Variants in GRIK1 observed in about 807,000 individuals in gnomAD.
GRIK1 encodes glutamate receptor ionotropic, kainate 1.
Under a neutral mutation model 105.7 loss-of-function variants are expected in GRIK1, and 69 were observed. The ratio of observed to expected loss-of-function variants is 0.65; its 90% confidence interval spans 0.54 to 0.80. The LOEUF (loss-of-function observed/expected upper bound fraction) is 0.80. Among genes scored for constraint, GRIK1 ranks in the 30% least tolerant of loss-of-function variants. The pLI, the probability that GRIK1 is intolerant of heterozygous loss-of-function variation, is 0.00. For missense variants in GRIK1, 1,109 were observed against 1,167.3 expected (o/e 0.95, Z 0.73); for synonymous variants, 438 against 431.3 (o/e 1.02, Z -0.19).
chr21:29,872,821 C>T, intron 1 of GRIK1, among the ~76,000 whole-genome samples: 1 of 152,140 alleles, frequency 6.6e-6, no homozygotes, highest in Admixed American at 6.5e-5. Flanking sequence ...CCCCATCACT[C>T]AATTACCCCC....
chr21:29,727,952 T>A (rs955999977), intron 1 of GRIK1, among the ~76,000 whole-genome samples: 1 of 152,140 alleles, frequency 6.6e-6, no homozygotes, highest in African/African-American at 2.4e-5. Flanking sequence ...AGAAGAGGGA[T>A]GTCTCAACTC....
intron 1 of GRIK1, among the ~76,000 whole-genome samples, chr21:29,711,916 T>C (rs547560292): frequency 3.0e-3 from 439 of 146,906 alleles, no homozygotes; most frequent in African/African-American, 0.011. Flanking sequence ...GTGAAATTTT[T>C]CTTTTTTGAA....
chr21:29,810,930 C>A (rs995616554), intron 1 of GRIK1, among the ~76,000 whole-genome samples: 2 of 152,058 alleles, frequency 1.3e-5, no homozygotes, highest in African/African-American at 2.4e-5. Context: ...ACATAACACA[C>A]CCCCAAAGTA....
intron 1 of GRIK1, among the ~76,000 whole-genome samples, chr21:29,782,950 G>A (rs418688): frequency 0.15 from 23,400 of 152,022 alleles, 1,777 homozygotes; most frequent in Non-Finnish European, 0.16. Context: ...AATCGTAGGT[G>A]TGAAATTGTT....
chr21:29,632,855 A>C (rs2062312185), intron 7 of GRIK1, among the ~76,000 whole-genome samples: 1 of 152,152 alleles, frequency 6.6e-6, no homozygotes, highest in African/African-American at 2.4e-5. Context: ...CCCTTGCAAC[A>C]TTTCTTGTTG....
At chr21:29,905,933 C>T (rs1486622366) in intron 1 of GRIK1, among the ~76,000 whole-genome samples, 5 of 140,250 alleles carry the variant, frequency 3.6e-5, no homozygotes, top group South Asian at 2.4e-4. Flanking sequence ...TGGCCCAAAA[C>T]TTGTTTTTTT....
intron 1 of GRIK1, among the ~76,000 whole-genome samples, chr21:29,854,448 G>A (rs904819098): frequency 3.9e-5 from 6 of 152,052 alleles, no homozygotes; most frequent in African/African-American, 1.4e-4. Context: ...ACACTTGGCA[G>A]ATGAGCTTTC....
chr21:29,806,997 C>G (rs1266303655), intron 1 of GRIK1, among the ~76,000 whole-genome samples: 1 of 152,114 alleles, frequency 6.6e-6, no homozygotes, highest in Non-Finnish European at 1.5e-5. Flanking sequence ...TCATTAAGCC[C>G]CATCTTCAAT....
chr21:29,856,079 CTAGATTTCTGGGGTACAAG>C (rs2068454743), intron 1 of GRIK1, among the ~76,000 whole-genome samples: 1 of 152,100 alleles, frequency 6.6e-6, no homozygotes, highest in Non-Finnish European at 1.5e-5. Flanking sequence ...GAATATATGT[CTAGATTTCTGGGGTACAAG>C]TAGTGTTGGA....
chr21:29,633,696 G>T (rs898553831), intron 7 of GRIK1, among the ~76,000 whole-genome samples: 4 of 152,006 alleles, frequency 2.6e-5, no homozygotes, highest in Non-Finnish European at 5.9e-5. Flanking sequence ...AGTTGTACAG[G>T]GAATTGAGGG....
At chr21:29,663,948 T>G (rs1259272716) in intron 4 of GRIK1, among the ~76,000 whole-genome samples, 1 of 151,928 alleles carries the variant, frequency 6.6e-6, no homozygotes, top group African/African-American at 2.4e-5. Flanking sequence ...TGATGAGAGA[T>G]AGAGAAAAGG....
intron 1 of GRIK1, among the ~76,000 whole-genome samples, chr21:29,846,044 C>A (rs1023904444): frequency 4.6e-5 from 7 of 152,218 alleles, no homozygotes; most frequent in East Asian, 1.9e-4. Context: ...GCCTCCTTTG[C>A]GCCCTGGATC....
intron 4 of GRIK1, among the ~76,000 whole-genome samples, chr21:29,665,752 T>C (rs2063046390): frequency 6.6e-6 from 1 of 152,204 alleles, no homozygotes; most frequent in African/African-American, 2.4e-5. Flanking sequence ...CAACAGAATT[T>C]CTCAAAGTTG....
chr21:29,848,779 A>ATATATTTTTTTTTTTTTT, intron 1 of GRIK1, among the ~76,000 whole-genome samples: 5 of 77,878 alleles, frequency 6.4e-5, no homozygotes, highest in African/African-American at 2.9e-4. Flanking sequence ...ATATATATAT[A>ATATATTTTTTTTTTTTTT]TTTTTTTTTT....
chr21:29,671,430 C>T lies in GRIK1; in HGVS notation c.726+1553G>A, dbSNP rs1284011988. ...TTTTTTTTTTTTTTTTTACTCTAAT[C>T]ATCCAGCACATAATAGAAACATTTG... is the stretch of plus-strand genomic sequence containing the variant. On this transcript the variant is annotated intron_variant, in intron 4 of 17. Transcript: ENST00000327783. 2.0e-5 allele frequency among the ~76,000 whole-genome samples: 3 copies of T among 149,416 alleles called. No homozygotes were observed. The East Asian group carries it at 5.9e-4, about 29-fold the overall frequency.
chr21:29,842,548 T>G (rs554242542), intron 1 of GRIK1, among the ~76,000 whole-genome samples: 2 of 152,324 alleles, frequency 1.3e-5, no homozygotes, highest in Non-Finnish European at 2.9e-5. Context: ...GCATTCATTA[T>G]TTGGCAGAGC....
In GRIK1 at chr21:29,808,019, A is replaced by G. The variant is rs563660027; in HGVS notation, c.119-113956T>C. Among the ~76,000 whole-genome samples, 15 of 152,306 alleles carry G rather than the reference A, an allele frequency of 9.8e-5. No individual in the cohort carries two copies. In the South Asian group the frequency reaches 2.7e-3, roughly 27 times the overall value. On this transcript the variant is annotated intron_variant, in intron 1 of 17. Coordinates refer to ENST00000327783, the MANE Select transcript of GRIK1 (RefSeq NM_001330994.2). ...TTAAATTCCTTGAATGAGGAAAATA[A>G]CAGATCACTGAACACTCAGGATTGG...
Position 29,746,357 on chromosome 21 carries a change from G to C in GRIK1, c.119-52294C>G, listed in dbSNP as rs559441256. On this transcript the variant is annotated intron_variant, in intron 1 of 17. Transcript: ENST00000327783. The stretch of plus-strand genomic sequence containing the variant: ...GCCAAGCCCTTGAAACACAAAGCTG[G>C]GTAAAACAGTGTAAGGGCAAGGACA... Among the ~76,000 whole-genome samples the C allele has an allele frequency of 4.6e-5, 7 of 152,264 alleles. 1 individual carries two copies. In the South Asian group the frequency reaches 1.2e-3, roughly 27 times the overall value.
At chr21:29,612,660 T>C (rs1445192382) in intron 7 of GRIK1, among the ~76,000 whole-genome samples, 2 of 152,234 alleles carry the variant, frequency 1.3e-5, no homozygotes, top group Non-Finnish European at 2.9e-5. Flanking sequence ...ATAGAATTAC[T>C]TTGTGATTTG....
Sources: allele counts gnomAD v4.1 joint callset (sites outside exome capture counted in the v4.1 genomes callset), GRCh38; gene constraint gnomAD v4.1.1; transcripts MANE v1.5; gene names NCBI Gene and HGNC (gene_info 2026-07-23, HGNC 2026-07-21).